The following PCDHGA4 variants were observed in gnomAD, a reference collection of about 807,000 sequenced individuals.
PCDHGA4 encodes protocadherin gamma-A4.
In PCDHGA4, 38 loss-of-function variants were observed where a neutral mutation model predicts 54.6. The observed-to-expected ratio is 0.70, with a 90% CI of 0.54 to 0.91. The LOEUF (loss-of-function observed/expected upper bound fraction) is 0.91, where lower values mean the gene tolerates loss of function less well. PCDHGA4 is among the 40% of genes least tolerant of loss of function. The pLI is 0.00. For missense variants in PCDHGA4, 1,298 were observed against 1,220.9 expected (o/e 1.06, Z -0.94); for synonymous variants, 511 against 512.9 (o/e 1.00, Z 0.05).
At chr5:141,393,857 C>A (rs753457502) in intron 1 of PCDHGA4, 3 of 1,613,860 alleles carry the variant, frequency 1.9e-6, no homozygotes, top group Non-Finnish European at 2.5e-6. Flanking sequence ...CAGAAGTGAT[C>A]ATTACGTCTT....
chr5:141,364,351 C>T (rs1194197136), intron 1 of PCDHGA4: 12 of 1,550,222 alleles, frequency 7.7e-6, no homozygotes, highest in Non-Finnish European at 9.6e-6. Context: ...CACCTAGGGG[C>T]TGGGGCTGCG....
At chr5:141,398,633 A>C (rs749131705) in intron 1 of PCDHGA4, 4 of 1,613,946 alleles carry the variant, frequency 2.5e-6, no homozygotes, top group Non-Finnish European at 3.4e-6. Flanking sequence ...TCTCTGCAGA[A>C]GTATAAACTC....
chr5:141,444,893 G>T (rs1238224263), intron 1 of PCDHGA4, among the ~76,000 whole-genome samples: 1 of 152,160 alleles, frequency 6.6e-6, no homozygotes, highest in Admixed American at 6.5e-5. Flanking sequence ...TTTTGAATGG[G>T]ATGGCATTGC....
chr5:141,438,165 G>GA (rs1252266607), intron 1 of PCDHGA4, among the ~76,000 whole-genome samples: 2 of 152,076 alleles, frequency 1.3e-5, no homozygotes, highest in East Asian at 3.8e-4. Flanking sequence ...AAGCTAATTG[G>GA]AAAAAATATT....
chr5:141,389,910 C>T (rs1417147488), intron 1 of PCDHGA4: 21 of 1,614,080 alleles, frequency 1.3e-5, no homozygotes, highest in Non-Finnish European at 1.7e-5. Flanking sequence ...TATCACTGAC[C>T]GCCCCGACCC....
chr5:141,475,297 T>C lies in PCDHGA4; in HGVS notation c.2515-19510T>C, dbSNP rs187277570. Among the ~76,000 whole-genome samples the C allele has an allele frequency of 6.5e-4, 99 of 152,360 alleles. 2 individuals are homozygous for C. Among genetic ancestry groups the C allele is most frequent in the African/African-American group, 2.3e-3 (96 of 41,586 alleles). ...TGAAAGACAGGGTAGGGAAATTTCT[T>C]ATTGCTCCCTGGTTCTTAAGAAATG... On this transcript the variant is annotated intron_variant, in intron 1 of 3. Transcript: ENST00000571252.
rs1422052114 is a variant in PCDHGA4, at chr5:141,511,168, A to T, written c.2884A>T (p.Lys962Ter). The change falls in exon 4 of 4, where the codon AAG (lysine) becomes TAG (stop). Residue 962 changes from lysine to a stop codon, truncating the protein, a stop_gained. Coordinates refer to ENST00000571252, the MANE Select transcript of PCDHGA4 (RefSeq NM_018917.4). LOFTEE classifies it high-confidence loss of function. ...GAAGAAGTCGGGCAAGAAGGAGAAG[A>T]AGTAACATGGAGGCCAGGCCAAGAG... is the stretch of plus-strand genomic sequence containing the variant. The part of the protein sequence containing the change: ...NKKKSGKKEK[K>*] 1.4e-5 allele frequency: 22 copies of T among 1,614,038 alleles called. No individual in the cohort carries two copies. The highest frequency in any genetic ancestry group is 1.7e-5 in the Non-Finnish European group (20 of 1,180,008).
chr5:141,389,439 G>A, intron 1 of PCDHGA4: 1 of 1,610,580 alleles, frequency 6.2e-7, no homozygotes. Context: ...GCGCGCCTTC[G>A]ACCACGAGCA....
Position 141,490,958 on chromosome 5 carries a change from A to T in PCDHGA4, c.2515-3849A>T, listed in dbSNP as rs771797392. 4.6e-5 allele frequency: 74 copies of T among 1,613,610 alleles called. No individual in the cohort carries two copies. The highest frequency in any genetic ancestry group is 1.6e-4 in the Middle Eastern group (1 of 6,084). ...CTGCACCCACGGCCAGACTGGGAAC[A>T]CTCAGCCCCCCAGCGTCTCCCTCGC... On this transcript the variant is annotated intron_variant, in intron 1 of 3. Coordinates refer to ENST00000571252, the MANE Select transcript of PCDHGA4 (RefSeq NM_018917.4). This position sits in a 1 kb window ranked among gnomAD's most constrained non-coding sequence, Gnocchi z 5.4.
intron 1 of PCDHGA4, chr5:141,407,994 C>T (rs1449634415): frequency 1.0e-5 from 9 of 858,436 alleles, no homozygotes; most frequent in African/African-American, 1.7e-5. Flanking sequence ...CAGCCTCTGG[C>T]CTGGGATTCC....
intron 1 of PCDHGA4, chr5:141,478,104 CTG>C: frequency 6.2e-7 from 1 of 1,614,118 alleles, no homozygotes; most frequent in Middle Eastern, 1.6e-4. Context: ...GCTACCCTCA[CTG>C]TGTCAGTAAC....
Position 141,431,634 on chromosome 5 carries a change from T to C in PCDHGA4, c.2515-63173T>C. 2.5e-6 allele frequency: 4 copies of C among 1,614,238 alleles called. No homozygotes were observed. Among genetic ancestry groups the C allele is most frequent in the Non-Finnish European group, 3.4e-6 (4 of 1,180,044 alleles). ...GTGGACGACAAGGCGGCCCAAGTTTTCAAACTAGATTGTAATTCAGGGACA... is the reference window on the plus strand; with the variant it reads ...GTGGACGACAAGGCGGCCCAAGTTTCCAAACTAGATTGTAATTCAGGGACA... On this transcript the variant is annotated intron_variant, in intron 1 of 3. Coordinates refer to ENST00000571252, the MANE Select transcript of PCDHGA4 (RefSeq NM_018917.4). The surrounding 1 kb of genome is among the most constrained non-coding windows in gnomAD (Gnocchi z 4.8).
At position 141,431,159 on chromosome 5, in the gene PCDHGA4, C is replaced by T. The variant is rs1017606383; in HGVS notation, c.2515-63648C>T. Reference sequence around the variant, plus strand: ...CATTAACGACAATGCGCCTTACTTTCGTGAAAGTGAATTAGAAATAAAAAT... The same window carrying T: ...CATTAACGACAATGCGCCTTACTTTTGTGAAAGTGAATTAGAAATAAAAAT... On this transcript the variant is annotated intron_variant, in intron 1 of 3. Transcript: ENST00000571252. The surrounding 1 kb of genome is among the most constrained non-coding windows in gnomAD (Gnocchi z 4.8). 1 of 1,614,158 alleles carries T rather than the reference C, an allele frequency of 6.2e-7. No individual in the cohort carries two copies. The highest frequency in any genetic ancestry group is 1.3e-5 in the African/African-American group (1 of 75,046).
chr5:141,480,122 C>T (rs576224922), intron 1 of PCDHGA4, among the ~76,000 whole-genome samples: 1 of 151,948 alleles, frequency 6.6e-6, no homozygotes, highest in African/African-American at 2.4e-5. Flanking sequence ...CCTGGCATAT[C>T]ATAACTGTTA....
intron 1 of PCDHGA4, among the ~76,000 whole-genome samples, chr5:141,451,067 A>G (rs948528671): frequency 6.6e-6 from 1 of 151,848 alleles, no homozygotes; most frequent in African/African-American, 2.4e-5. Flanking sequence ...TGACCTTGTG[A>G]TCCACCCACC....
intron 1 of PCDHGA4, chr5:141,371,678 C>A: frequency 2.5e-6 from 4 of 1,614,040 alleles, no homozygotes; most frequent in Non-Finnish European, 3.4e-6. Flanking sequence ...CCGACAAAGG[C>A]AATCCACCGC....
In PCDHGA4 at chr5:141,388,210, T is replaced by C. The variant is rs1589055013; in HGVS notation, c.2514+30589T>C. ...GCTTGTGCTCTGGAATTTGAGGCTG[T>C]TGCTGAAAATCCACTGAACTTTTAT... On this transcript the variant is annotated intron_variant, in intron 1 of 3. Transcript: ENST00000571252. 1.9e-6 allele frequency: 3 copies of C among 1,587,862 alleles called. No homozygotes were observed. Among genetic ancestry groups the C allele is most frequent in the Non-Finnish European group, 2.6e-6 (3 of 1,159,126 alleles).
rs200519543 is a variant in PCDHGA4, at chr5:141,439,190, C to CAA, written c.2515-55603_2515-55602dup. 3.7e-3 allele frequency among the ~76,000 whole-genome samples: 409 copies of CAA among 111,790 alleles called. 4 individuals are homozygous for CAA. The highest frequency in any genetic ancestry group is 0.029 in the East Asian group (112 of 3,852). The allele number at this position is 111,790 out of a possible 152,430, so 73.3% of individuals were successfully genotyped here. A position where few individuals can be genotyped will look rare whatever the true frequency, so the allele number is the denominator to read the frequency against. On this transcript the variant is annotated intron_variant, in intron 1 of 3. Transcript: ENST00000571252. Reference sequence around the variant, plus strand: ...CCTGGGCGACATAGTGAGACTCTGACAAAAAAAAAAAAAAATCCATATGTG... The same window carrying CAA: ...CCTGGGCGACATAGTGAGACTCTGACAAAAAAAAAAAAAAAAATCCATATGTG...
In PCDHGA4 at chr5:141,512,237, G is replaced by A. The variant is rs2099884134; in HGVS notation, c.*1064G>A. ...AGGACCAGGTCCCCTTGAGAGGTCA[G>A]AGGGGCCTCTGTGGGTGCTGGGTAC... On this transcript the variant is annotated 3_prime_UTR_variant, in exon 4 of 4. Transcript: ENST00000571252. 1 of 152,774 alleles carries A rather than the reference G, an allele frequency of 6.5e-6. No homozygotes were observed. The highest frequency in any genetic ancestry group is 1.5e-5 in the Non-Finnish European group (1 of 68,148). The allele number at this position is 152,774 out of a possible 1,614,324, so 9.5% of individuals were successfully genotyped here.
Sources: gnomAD v4.1 joint callset for allele counts (sites outside exome capture counted in the v4.1 genomes callset) on GRCh38, gnomAD v4.1.1 for gene constraint, Gnocchi (gnomAD v3.1) non-coding constraint, MANE v1.5 for transcripts, NCBI Gene and HGNC (gene_info 2026-07-23, HGNC 2026-07-21) for gene names.